RASGEF1C: variants seen among roughly 807,000 people sequenced by gnomAD.
RASGEF1C encodes RasGEF domain family member 1C.
In RASGEF1C, 27 loss-of-function variants were observed where a neutral mutation model predicts 58.1. The observed-to-expected ratio is 0.46, with a 90% CI of 0.34 to 0.64. The LOEUF (loss-of-function observed/expected upper bound fraction) is 0.64. RASGEF1C is among the 30% of genes least tolerant of loss of function. The pLI, the probability that RASGEF1C is intolerant of heterozygous loss-of-function variation, is 0.01. For missense variants in RASGEF1C, 502 were observed against 605.1 expected (o/e 0.83, Z 1.79); for synonymous variants, 243 against 246.3 (o/e 0.99, Z 0.13).
rs561116666 is a variant in RASGEF1C, at chr5:180,206,346, CTAAGTA to C, written c.-7+2676_-7+2681del. Among the ~76,000 whole-genome samples the C allele has an allele frequency of 1.0e-3, 156 of 152,268 alleles. 4 individuals carry two copies. The South Asian group carries it at 0.029, about 29-fold the overall frequency. ...TTGGGCTTTTCATAGTTAGAAAAGTCTAAGTATGATTCCAAATCTATGTGAAAAGAT... is the reference window on the plus strand; with the variant it reads ...TTGGGCTTTTCATAGTTAGAAAAGTCTGATTCCAAATCTATGTGAAAAGAT... On this transcript the variant is annotated intron_variant, in intron 1 of 13. Transcript: ENST00000361132.
Position 180,209,157 on chromosome 5 carries a change from G to T in RASGEF1C, c.-136C>A. 1 of 144,242 alleles carries T rather than the reference G, an allele frequency of 6.9e-6. No homozygotes were observed. The highest frequency in any genetic ancestry group is 2.0e-4 in the South Asian group (1 of 5,040). The allele number at this position is 144,242 out of a possible 1,614,324, so 8.9% of individuals were successfully genotyped here. ...CCGCCGCCGCCGCCGCCGCCCGACCGCCCGGCTCCCAGCGCAGCCCGCACG... is the reference window on the plus strand; with the variant it reads ...CCGCCGCCGCCGCCGCCGCCCGACCTCCCGGCTCCCAGCGCAGCCCGCACG... On this transcript the variant is annotated 5_prime_UTR_variant, in exon 1 of 14. Transcript: ENST00000361132.
At chr5:180,190,805 T>C (rs1025180969) in intron 1 of RASGEF1C, among the ~76,000 whole-genome samples, 4 of 152,108 alleles carry the variant, frequency 2.6e-5, no homozygotes, top group Non-Finnish European at 4.4e-5. Context: ...CACCAAAACA[T>C]GATTTTAAAA....
At chr5:180,153,895 C>T (rs1304657064) in intron 1 of RASGEF1C, among the ~76,000 whole-genome samples, 2 of 152,216 alleles carry the variant, frequency 1.3e-5, no homozygotes, top group Admixed American at 6.5e-5. Context: ...CTGAAAGCCC[C>T]TCTGGGGTGA....
intron 6 of RASGEF1C, among the ~76,000 whole-genome samples, chr5:180,121,490 T>G (rs1478096745): frequency 6.6e-6 from 1 of 152,110 alleles, no homozygotes. Context: ...ATTTTTTGTA[T>G]TTTTAGTGGA....
Position 180,119,454 on chromosome 5 carries a change from G to T in RASGEF1C, c.805-6C>A. ...CTCTGCTTCTTCTTGGCTGGCTGGG[G>T]ACAGGGCAGCAGAGCCTCAGTGGTG... On this transcript the variant is annotated splice_region_variant and splice_polypyrimidine_tract_variant and intron_variant, in intron 7 of 13. Coordinates refer to ENST00000361132, the MANE Select transcript of RASGEF1C (RefSeq NM_175062.4). 4 of 1,612,596 alleles carry T rather than the reference G, an allele frequency of 2.5e-6. No individual in the cohort carries two copies. The highest frequency in any genetic ancestry group is 1.7e-4 in the Middle Eastern group (1 of 6,056).
At chr5:180,133,228 G>C (rs1264959450) in intron 4 of RASGEF1C, among the ~76,000 whole-genome samples, 1 of 152,218 alleles carries the variant, frequency 6.6e-6, no homozygotes, top group African/African-American at 2.4e-5. Context: ...TGCTGGGAAG[G>C]CTTCCCGGGA....
rs377473759 is a variant in RASGEF1C, at chr5:180,190,446, C to T, written c.-7+18582G>A. On this transcript the variant is annotated intron_variant, in intron 1 of 13. Transcript: ENST00000361132. ...CGGAGCTTGCAGTGAGCTGAGATCG[C>T]GCCACTGCACTCCAGACTGGGTGAC... Among the ~76,000 whole-genome samples the T allele has an allele frequency of 9.8e-4, 133 of 135,732 alleles. 6 individuals are homozygous for T. The highest frequency in any genetic ancestry group is 1.4e-3 in the Non-Finnish European group (88 of 62,362). The allele number at this position is 135,732 out of a possible 152,430, so 89.0% of individuals were successfully genotyped here.
chr5:180,138,834 C>T (rs1189954637), intron 1 of RASGEF1C, among the ~76,000 whole-genome samples: 9 of 152,176 alleles, frequency 5.9e-5, no homozygotes, highest in Non-Finnish European at 1.2e-4. Context: ...CTGCACATGC[C>T]GTTCCCTCCT....
chr5:180,113,202 A>AGGGATCCAGGATGGACG (rs1765994109), intron 11 of RASGEF1C, among the ~76,000 whole-genome samples: 1 of 17,638 alleles, frequency 5.7e-5, no homozygotes, highest in Non-Finnish European at 1.2e-4. Flanking sequence ...CAGGATGGAC[A>AGGGATCCAGGATGGACG]GAGGGACCGG....
At chr5:180,186,012 G>T (rs1756028781) in intron 1 of RASGEF1C, among the ~76,000 whole-genome samples, 1 of 147,860 alleles carries the variant, frequency 6.8e-6, no homozygotes, top group Admixed American at 6.9e-5. Context: ...TGGGCAGGCT[G>T]ATTGAGCCTG....
At position 180,143,637 on chromosome 5, in the gene RASGEF1C, T is replaced by C. The variant is rs1766618049; in HGVS notation, c.-6-5579A>G. ...AGTCATCCAGGACATCCAGGACTCCTGACTTACGTTTCATATTGTGATTGT... is the reference window on the plus strand; with the variant it reads ...AGTCATCCAGGACATCCAGGACTCCCGACTTACGTTTCATATTGTGATTGT... On this transcript the variant is annotated intron_variant, in intron 1 of 13. Transcript: ENST00000361132. This position sits in a 1 kb window ranked among gnomAD's most constrained non-coding sequence, Gnocchi z 4.3. 6.6e-6 allele frequency among the ~76,000 whole-genome samples: 1 copy of C among 152,210 alleles called. No homozygotes were observed. Among genetic ancestry groups the C allele is most frequent in the African/African-American group, 2.4e-5 (1 of 41,452 alleles).
rs143838301 is a variant in RASGEF1C, at chr5:180,181,379, T to G, written c.-7+27649A>C. ...TTGGACTGAGTCCCTCCTAAACAGA[T>G]GACTGAAGTCCTCACCTCCAATATC... On this transcript the variant is annotated intron_variant, in intron 1 of 13. Transcript: ENST00000361132. Among the ~76,000 whole-genome samples the G allele has an allele frequency of 7.8e-3, 1,188 of 152,346 alleles. 17 individuals carry two copies. Among genetic ancestry groups the G allele is most frequent in the African/African-American group, 0.027 (1,132 of 41,582 alleles).
intron 6 of RASGEF1C, among the ~76,000 whole-genome samples, chr5:180,122,885 A>T (rs1237231780): frequency 6.6e-6 from 1 of 152,124 alleles, no homozygotes; most frequent in East Asian, 1.9e-4. Flanking sequence ...GGAAAAAGAA[A>T]CAGATAAGGA....
chr5:180,175,490 G>A (rs1252178422), intron 1 of RASGEF1C, among the ~76,000 whole-genome samples: 1 of 152,178 alleles, frequency 6.6e-6, no homozygotes, highest in Non-Finnish European at 1.5e-5. Context: ...CTAAGAGCCC[G>A]GCCTTGGGCT....
intron 1 of RASGEF1C, among the ~76,000 whole-genome samples, chr5:180,199,664 C>T (rs183195192): frequency 1.2e-4 from 18 of 151,960 alleles, no homozygotes; most frequent in African/African-American, 3.6e-4. Flanking sequence ...CCTTCCCTCC[C>T]TCTCTCCCTC....
At chr5:180,102,040 C>A (rs1189753786) in intron 13 of RASGEF1C, 31 bp downstream of exon 13, 2 of 1,073,082 alleles carry the variant, frequency 1.9e-6, no homozygotes, top group African/African-American at 2.9e-5. Context: ...CCCAAGCAGC[C>A]CCCAGGCCCC....
intron 1 of RASGEF1C, among the ~76,000 whole-genome samples, chr5:180,207,834 C>G (rs1380309353): frequency 2.0e-5 from 3 of 152,118 alleles, no homozygotes; most frequent in Non-Finnish European, 2.9e-5. Flanking sequence ...CTGGGCTCCC[C>G]GCTCAGGACA....
chr5:180,136,695 G>A, intron 3 of RASGEF1C, 180 bp from the exon 4 acceptor site: 2 of 632,144 alleles, frequency 3.2e-6, no homozygotes, highest in Non-Finnish European at 5.4e-6. Context: ...AGGGGGGACG[G>A]ACACATTTCT....
chr5:180,181,118 T>C (rs114168758), intron 1 of RASGEF1C, among the ~76,000 whole-genome samples: 2,201 of 152,288 alleles, frequency 0.014, 25 homozygotes, highest in Middle Eastern at 0.027. Context: ...AGCCTGGGGC[T>C]CTGCCCCTCC....
Sources: allele counts gnomAD v4.1 joint callset (sites outside exome capture counted in the v4.1 genomes callset), GRCh38; gene constraint gnomAD v4.1.1; non-coding constraint Gnocchi (gnomAD v3.1); transcripts MANE v1.5; gene names NCBI Gene and HGNC (gene_info 2026-07-23, HGNC 2026-07-21).